The following LRRTM4 variants were observed in gnomAD, a reference collection of about 807,000 sequenced individuals.
LRRTM4 encodes the protein leucine-rich repeat transmembrane neuronal protein 4.
Under a neutral mutation model 47.6 loss-of-function variants are expected in LRRTM4, and 25 were observed. The ratio of observed to expected loss-of-function variants is 0.53; its 90% CI spans 0.38 to 0.73. The LOEUF is 0.73. LRRTM4 is among the 30% of genes least tolerant of loss of function. The probability of loss-of-function intolerance (pLI) is 0.00; values close to 1 mark genes in which losing one functional copy is unlikely to be tolerated. For synonymous variants in LRRTM4, 311 were observed against 269.5 expected (o/e 1.15, Z -1.51); for missense variants, 638 against 713.4 (o/e 0.89, Z 1.20).
At chr2:76,902,592 T>C (rs1385537324) in intron 3 of LRRTM4, among the ~76,000 whole-genome samples, 2 of 152,260 alleles carry the variant, frequency 1.3e-5, no homozygotes, top group East Asian at 3.9e-4. Context: ...AATGGGAGCC[T>C]TATAAGACCA....
intron 3 of LRRTM4, among the ~76,000 whole-genome samples, chr2:76,786,828 A>G (rs1241282753): frequency 6.6e-6 from 1 of 151,764 alleles, no homozygotes; most frequent in Non-Finnish European, 1.5e-5. Context: ...AAGGAACTGG[A>G]ATTTCATATT....
At chr2:76,984,895 T>G (rs908337656) in intron 3 of LRRTM4, among the ~76,000 whole-genome samples, 6 of 152,026 alleles carry the variant, frequency 3.9e-5, no homozygotes, top group African/African-American at 1.4e-4. Context: ...CACAAGTAGA[T>G]AGTAGAGGGG....
chr2:77,308,612 T>C (rs892110293), intron 3 of LRRTM4, among the ~76,000 whole-genome samples: 7 of 152,130 alleles, frequency 4.6e-5, no homozygotes, highest in African/African-American at 1.4e-4. Flanking sequence ...ATCCACACTA[T>C]GTAAGTGAAG....
intron 3 of LRRTM4, among the ~76,000 whole-genome samples, chr2:77,110,320 A>G (rs1272731960): frequency 6.6e-6 from 1 of 152,162 alleles, no homozygotes; most frequent in African/African-American, 2.4e-5. Context: ...AAAAACCATT[A>G]CAGAACCAAA....
intron 3 of LRRTM4, among the ~76,000 whole-genome samples, chr2:77,341,264 A>T (rs1671362756): frequency 6.6e-6 from 1 of 151,696 alleles, no homozygotes; most frequent in African/African-American, 2.4e-5. Flanking sequence ...CTATGATCAA[A>T]TTTTCCTAGG....
intron 3 of LRRTM4, among the ~76,000 whole-genome samples, chr2:76,954,017 A>G (rs1251886370): frequency 6.6e-6 from 1 of 151,874 alleles, no homozygotes; most frequent in Non-Finnish European, 1.5e-5. Flanking sequence ...ACAAGCCTGG[A>G]GAAAAGACCA....
chr2:77,216,472 C>T (rs571853819), intron 3 of LRRTM4, among the ~76,000 whole-genome samples: 22 of 151,836 alleles, frequency 1.4e-4, no homozygotes, highest in Admixed American at 3.3e-4. Flanking sequence ...CAAGACCATC[C>T]TGGCCAATAT....
chr2:77,334,341 T>G (rs1266525984), intron 3 of LRRTM4, among the ~76,000 whole-genome samples: 1 of 152,104 alleles, frequency 6.6e-6, no homozygotes, highest in Non-Finnish European at 1.5e-5. Context: ...TGGTTCAGTT[T>G]TGTCCCCACC....
rs571323788 is a variant in LRRTM4 at position 77,375,092 on chromosome 2, CT to C, written c.1551+143225del. On this transcript the variant is annotated intron_variant, in intron 3 of 3. Coordinates refer to ENST00000409884, the MANE Select transcript of LRRTM4 (RefSeq NM_001134745.3). ...CATTCACTCTTTTCTTCTTTCTTGC[CT>C]TTTTTTTCTCTCTGTATGCTTCACC... is the stretch of plus-strand genomic sequence containing the variant. 4.5e-4 allele frequency among the ~76,000 whole-genome samples: 68 copies of C among 151,290 alleles called. 1 individual carries two copies. The East Asian group carries it at 9.7e-3, about 22-fold the overall frequency.
chr2:77,302,374 A>C (rs551286601), intron 3 of LRRTM4, among the ~76,000 whole-genome samples: 1 of 152,312 alleles, frequency 6.6e-6, no homozygotes, highest in African/African-American at 2.4e-5. Context: ...TATTTCAAAT[A>C]TACACTTATT....
At chr2:77,035,002 C>T (rs1013354306) in intron 3 of LRRTM4, among the ~76,000 whole-genome samples, 1 of 151,686 alleles carries the variant, frequency 6.6e-6, no homozygotes. Context: ...CTCTCATTCT[C>T]CAAATGTGAT....
chr2:77,480,175 C>T (rs182055035), intron 3 of LRRTM4, among the ~76,000 whole-genome samples: 365 of 152,136 alleles, frequency 2.4e-3, no homozygotes, highest in African/African-American at 7.5e-3. Flanking sequence ...AATTATCAAC[C>T]TCAGCAAATC....
In LRRTM4 at chr2:76,862,630, C is replaced by T. The variant is rs570871938; in HGVS notation, c.1552-113714G>A. Among the ~76,000 whole-genome samples, 171 of 152,286 alleles carry T rather than the reference C, an allele frequency of 1.1e-3. 2 individuals are homozygous for T. In the Middle Eastern group the frequency reaches 0.017, roughly 15 times the overall value. ...AGGAGGAGGGAAAATATCTCACACACGCGTGCGCGCGCACACACACACAAA... is the reference window on the plus strand; with the variant it reads ...AGGAGGAGGGAAAATATCTCACACATGCGTGCGCGCGCACACACACACAAA... On this transcript the variant is annotated intron_variant, in intron 3 of 3. Transcript: ENST00000409884.
intron 3 of LRRTM4, among the ~76,000 whole-genome samples, chr2:77,042,160 T>C (rs1026992179): frequency 1.3e-5 from 2 of 151,598 alleles, no homozygotes; most frequent in Non-Finnish European, 3.0e-5. Context: ...AATTTCCCGA[T>C]TTTTGAGAAT....
intron 3 of LRRTM4, among the ~76,000 whole-genome samples, chr2:77,118,193 C>T (rs1384816257): frequency 6.6e-6 from 1 of 151,716 alleles, no homozygotes; most frequent in Non-Finnish European, 1.5e-5. Context: ...GACGTCACCA[C>T]TGAGAGTAAG....
At chr2:76,997,600 C>T (rs1166739533) in intron 3 of LRRTM4, among the ~76,000 whole-genome samples, 3 of 152,120 alleles carry the variant, frequency 2.0e-5, no homozygotes, top group African/African-American at 7.2e-5. Context: ...TATACCATCA[C>T]TGTTTACAAA....
At chr2:77,173,727 G>C (rs1673116848) in intron 3 of LRRTM4, among the ~76,000 whole-genome samples, 1 of 152,058 alleles carries the variant, frequency 6.6e-6, no homozygotes, top group South Asian at 2.1e-4. Flanking sequence ...TCAGCCTCCT[G>C]AGTAAGTGGG....
At chr2:77,095,300 G>A (rs1053499100) in intron 3 of LRRTM4, among the ~76,000 whole-genome samples, 8 of 152,146 alleles carry the variant, frequency 5.3e-5, no homozygotes, top group East Asian at 3.9e-4. Flanking sequence ...GTATCTTCTC[G>A]TTGAGAATGT....
chr2:77,399,592 T>C (rs762896988), intron 3 of LRRTM4, among the ~76,000 whole-genome samples: 11 of 150,930 alleles, frequency 7.3e-5, no homozygotes, highest in Non-Finnish European at 1.6e-4. Flanking sequence ...ATGTGGATCT[T>C]TAGTAACTAA....
Sources: allele counts gnomAD v4.1 joint callset (sites outside exome capture counted in the v4.1 genomes callset), GRCh38; gene constraint gnomAD v4.1.1; transcripts MANE v1.5; gene names NCBI Gene and HGNC (gene_info 2026-07-23, HGNC 2026-07-21).